Variants in SOS1 observed in about 807,000 individuals in gnomAD.
SOS1 encodes the protein SOS Ras/Rac guanine nucleotide exchange factor 1, also known as son of sevenless homolog 1.
In SOS1, 25 loss-of-function variants were observed where a neutral mutation model predicts 157.6. The observed-to-expected ratio is 0.16, with a 90% confidence interval of 0.12 to 0.22. The LOEUF is 0.22. SOS1 is among the 10% of genes least tolerant of loss of function. The pLI is 1.00. For missense variants in SOS1, 1,237 were observed against 1,599.1 expected, an observed-to-expected ratio of 0.77 and a Z score of 3.86; for synonymous variants, 528 against 534.0, an observed-to-expected ratio of 0.99 and a Z score of 0.16.
At chr2:39,103,802 G>C (rs1018268855) in intron 1 of SOS1, among the ~76,000 whole-genome samples, 2 of 152,118 alleles carry the variant, frequency 1.3e-5, no homozygotes, top group Non-Finnish European at 2.9e-5. Context: ...ATCTGACTTC[G>C]TCAAAATTAA....
At chr2:38,986,534 T>G (rs1668566298) in intron 22 of SOS1, among the ~76,000 whole-genome samples, 1 of 151,954 alleles carries the variant, frequency 6.6e-6, no homozygotes, top group African/African-American at 2.4e-5. Context: ...GGTGCAATCA[T>G]GGCTCACTGT....
chr2:39,058,079 T>C (rs1317257474), intron 3 of SOS1, among the ~76,000 whole-genome samples: 2 of 152,148 alleles, frequency 1.3e-5, no homozygotes, highest in African/African-American at 4.8e-5. Flanking sequence ...TCTAAGTTTT[T>C]AATTATTATA....
At chr2:39,074,095 A>C (rs192487858) in intron 1 of SOS1, among the ~76,000 whole-genome samples, 51 of 152,200 alleles carry the variant, frequency 3.4e-4, no homozygotes, top group African/African-American at 1.1e-3. Flanking sequence ...TACGCCTGTA[A>C]TCCCAGCACT....
At position 38,985,762 on chromosome 2, in the gene SOS1, G is replaced by T; in HGVS notation, c.*62C>A. 3 of 1,589,964 alleles carry T rather than the reference G, an allele frequency of 1.9e-6. No homozygotes were observed. The highest frequency in any genetic ancestry group is 2.6e-6 in the Non-Finnish European group (3 of 1,159,920). The stretch of plus-strand genomic sequence containing the variant: ...TAACTCCTCAGTGCTGGCACATTCA[G>T]TGCATCCATTGCCAGCAATGGATTT... On this transcript the variant is annotated 3_prime_UTR_variant, in exon 23 of 23. Coordinates refer to ENST00000402219, the MANE Select transcript of SOS1 (RefSeq NM_005633.4).
intron 1 of SOS1, among the ~76,000 whole-genome samples, chr2:39,104,424 C>A (rs766029472): frequency 2.6e-5 from 4 of 152,048 alleles, no homozygotes; most frequent in Non-Finnish European, 5.9e-5. Context: ...CAAAAGGACA[C>A]CAACTAAGAT....
At chr2:39,104,692 A>G (rs1412638098) in intron 1 of SOS1, among the ~76,000 whole-genome samples, 1 of 152,248 alleles carries the variant, frequency 6.6e-6, no homozygotes, top group Admixed American at 6.5e-5. Flanking sequence ...TTTAGCCAAA[A>G]GGTGCAAAAT....
rs146383828 is a variant in SOS1 at position 38,995,139 on chromosome 2, C to T, written c.3330G>A (p.Ser1110=). The change falls in exon 20 of 23, where the codon TCG becomes TCA. Residue 1110 remains serine, a synonymous_variant. Coordinates refer to ENST00000402219, the MANE Select transcript of SOS1 (RefSeq NM_005633.4). ...TGCACCTACTTGAGTGAAAAGGGCTCGAATGATCGGAATCAAATACACTGC... is the reference window on the plus strand; with the variant it reads ...TGCACCTACTTGAGTGAAAAGGGCTTGAATGATCGGAATCAAATACACTGC... ...DVCSVFDSDH[S]SPFHSSNDTV... is the part of the protein sequence containing the mutation. 4.3e-6 allele frequency: 7 copies of T among 1,613,750 alleles called. No individual in the cohort carries two copies. The highest frequency in any genetic ancestry group is 1.7e-5 in the Admixed American group (1 of 59,994).
rs1241546723 is a variant in SOS1, at chr2:39,119,997, CAAG to C, written c.87+336_87+338del. Among the ~76,000 whole-genome samples the C allele has an allele frequency of 2.0e-5, 3 of 152,194 alleles. No individual in the cohort carries two copies. The South Asian group carries it at 6.2e-4, about 32-fold the overall frequency. ...GCTGACAGCAGCTCCGGGCTAAGAC[CAAG>C]AAGACGGAAAAGTGGCCTGCTTTGA... On this transcript the variant is annotated intron_variant, in intron 1 of 22. Coordinates refer to ENST00000402219, the MANE Select transcript of SOS1 (RefSeq NM_005633.4).
chr2:39,115,291 T>C (rs1673602511), intron 1 of SOS1, among the ~76,000 whole-genome samples: 2 of 152,176 alleles, frequency 1.3e-5, no homozygotes, highest in African/African-American at 2.4e-5. Flanking sequence ...CCTTCTAGAA[T>C]GTTCTATAAG....
rs757641423 is a variant in SOS1, at chr2:39,035,330, A to T, written c.976-20T>A. ...TATTGACTGGAAAAAAAAGTGATTTAATTTTTTTTTTAAGTTTACTTTTCA... is the reference window on the plus strand; with the variant it reads ...TATTGACTGGAAAAAAAAGTGATTTTATTTTTTTTTTAAGTTTACTTTTCA... On this transcript the variant is annotated intron_variant, in intron 7 of 22. Transcript: ENST00000402219. The T allele has an allele frequency of 1.3e-5, 21 of 1,607,778 alleles. No individual in the cohort carries two copies. In the Admixed American group the frequency reaches 3.5e-4, roughly 27 times the overall value.
intron 2 of SOS1, among the ~76,000 whole-genome samples, chr2:39,064,071 C>A (rs1345291161): frequency 6.6e-6 from 1 of 152,066 alleles, no homozygotes; most frequent in Non-Finnish European, 1.5e-5. Flanking sequence ...TGGGCTCAGG[C>A]AATCTGCCCA....
chr2:39,040,051 G>C (rs569992224), intron 6 of SOS1, among the ~76,000 whole-genome samples: 2 of 151,186 alleles, frequency 1.3e-5, no homozygotes, highest in South Asian at 2.1e-4. Context: ...TTGCTCTGTC[G>C]CCCAGGCTGG....
At chr2:39,108,884 C>T (rs1380484997) in intron 1 of SOS1, among the ~76,000 whole-genome samples, 1 of 148,322 alleles carries the variant, frequency 6.7e-6, no homozygotes, top group African/African-American at 2.6e-5. Context: ...CAGAGTAAGA[C>T]CTGGTGTCTT....
chr2:39,040,971 G>C (rs1670549697), intron 6 of SOS1, among the ~76,000 whole-genome samples: 1 of 152,176 alleles, frequency 6.6e-6, no homozygotes, highest in Non-Finnish European at 1.5e-5. Context: ...AAATACGAGG[G>C]TCTCAAATTC....
intron 22 of SOS1, among the ~76,000 whole-genome samples, chr2:38,986,531 T>C (rs892156012): frequency 7.9e-5 from 12 of 151,894 alleles, no homozygotes; most frequent in African/African-American, 2.9e-4. Flanking sequence ...AGTGGTGCAA[T>C]CATGGCTCAC....
intron 10 of SOS1, 78 bp from the exon 11 acceptor site, chr2:39,014,924 T>C (rs1669584161): frequency 2.4e-6 from 2 of 850,450 alleles, no homozygotes; most frequent in South Asian, 1.4e-5. Flanking sequence ...ATTTTCAAAA[T>C]AGATCAAATA....
intron 1 of SOS1, among the ~76,000 whole-genome samples, chr2:39,073,346 AAT>A: frequency 6.6e-6 from 1 of 152,198 alleles, no homozygotes; most frequent in East Asian, 1.9e-4. Flanking sequence ...GCACCAACCT[AAT>A]AGTTTTCAAA....
intron 6 of SOS1, among the ~76,000 whole-genome samples, chr2:39,046,495 C>CTTTTTTTTTTTTTTTTT (rs201639147): frequency 4.8e-5 from 6 of 124,404 alleles, no homozygotes; most frequent in African/African-American, 1.7e-4. Context: ...GAGACAGTGT[C>CTTTTTTTTTTTTTTTTT]TTTTTTTTTT....
At chr2:38,997,107 G>T in intron 18 of SOS1, 69 bp from the exon 19 acceptor site, 3 of 1,076,770 alleles carry the variant, frequency 2.8e-6, no homozygotes, top group Non-Finnish European at 4.2e-6. Flanking sequence ...TTCATGGAAA[G>T]TTAAGAAAAC....
Sources: allele counts gnomAD v4.1 joint callset (sites outside exome capture counted in the v4.1 genomes callset), GRCh38; gene constraint gnomAD v4.1.1; transcripts MANE v1.5; gene names NCBI Gene and HGNC (gene_info 2026-07-23, HGNC 2026-07-21).